The following ADNP2 variants were observed in gnomAD, a reference collection of about 807,000 sequenced individuals.
ADNP2 encodes the protein activity-dependent neuroprotector homeobox protein 2.
ADNP2 carries 8 observed loss-of-function variants against 16.4 expected under a neutral mutation model. That is an observed-to-expected ratio of 0.49 (90% CI 0.29 to 0.88). The LOEUF is 0.88. Ranked by LOEUF, ADNP2 falls within the 40% of genes least tolerant of loss-of-function variation. The pLI, the probability that ADNP2 is intolerant of heterozygous loss-of-function variation, is 0.09. For synonymous variants in ADNP2, 637 were observed against 545.8 expected (o/e 1.17, Z -2.33); for missense variants, 1,397 against 1,395.1 (o/e 1.00, Z -0.02).
chr18:80,120,546 A>C (rs2052417898), intron 2 of ADNP2, among the ~76,000 whole-genome samples: 1 of 152,040 alleles, frequency 6.6e-6, no homozygotes, highest in African/African-American at 2.4e-5. Flanking sequence ...CATGTTGCTC[A>C]GGCTGGTCTT....
At chr18:80,122,480 T>G (rs1242908703) in intron 2 of ADNP2, among the ~76,000 whole-genome samples, 1 of 152,264 alleles carries the variant, frequency 6.6e-6, no homozygotes, top group Non-Finnish European at 1.5e-5. Flanking sequence ...GAACATACTC[T>G]GTTTCTTTAG....
rs145421964 is a variant in ADNP2 at position 80,137,321 on chromosome 18, G to T, written c.1908G>T (p.Pro636=). 6.2e-7 allele frequency: 1 copy of T among 1,613,906 alleles called. No individual in the cohort carries two copies. The highest frequency in any genetic ancestry group is 8.5e-7 in the Non-Finnish European group (1 of 1,179,908). Residue 636 remains proline, a synonymous_variant, in exon 4 of 4, where the codon CCG becomes CCT. Transcript: ENST00000262198. This position sits in a 1 kb window ranked among gnomAD's most constrained non-coding sequence, Gnocchi z 4.2. The part of the protein sequence containing the change: ...VPPGGLATVA[P]PQMPIQLLPS... Reference sequence around the variant, plus strand: ...CTGGAGGCCTTGCGACTGTCGCTCCGCCCCAGATGCCCATCCAGCTCCTGC... The same window carrying T: ...CTGGAGGCCTTGCGACTGTCGCTCCTCCCCAGATGCCCATCCAGCTCCTGC...
Position 80,138,011 on chromosome 18 carries a change from C to A in ADNP2, c.2598C>A (p.Thr866=). Residue 866 remains threonine, a synonymous_variant, in exon 4 of 4, where the codon ACC becomes ACA. Transcript: ENST00000262198. The part of the protein sequence containing the change: ...YVKVRPQAEG[T]PGSTGKRVST... ...AGGTGAGGCCTCAGGCTGAGGGCAC[C>A]CCCGGGAGCACCGGCAAGCGAGTGT... 6.2e-7 allele frequency: 1 copy of A among 1,613,534 alleles called. No individual in the cohort carries two copies. The highest frequency in any genetic ancestry group is 8.5e-7 in the Non-Finnish European group (1 of 1,180,000).
chr18:80,109,849 G>A (rs1308874606), intron 1 of ADNP2: 1 of 152,770 alleles, frequency 6.5e-6, no homozygotes, highest in Admixed American at 6.5e-5. Context: ...AAGGGAGCGA[G>A]GAGTAGAGGG....
At chr18:80,131,233 T>G (rs2052494081) in intron 2 of ADNP2, among the ~76,000 whole-genome samples, 2 of 152,144 alleles carry the variant, frequency 1.3e-5, no homozygotes, top group South Asian at 4.1e-4. Flanking sequence ...TCCTCTTCTC[T>G]CCATGTTCAC....
intron 2 of ADNP2, among the ~76,000 whole-genome samples, chr18:80,125,560 G>A (rs1412654021): frequency 2.6e-5 from 4 of 151,996 alleles, no homozygotes; most frequent in South Asian, 2.1e-4. Context: ...GGAGAATGGC[G>A]TGAACCTGGG....
rs1171628531 is a variant in ADNP2 at position 80,140,058 on chromosome 18, T to A, written c.*1249T>A. ...ACCAGCCAGTTTAGATGGTAAGTCA[T>A]ATTTCTGGTGGTACACAGCAGAGGA... On this transcript the variant is annotated 3_prime_UTR_variant, in exon 4 of 4. Coordinates refer to ENST00000262198, the MANE Select transcript of ADNP2 (RefSeq NM_014913.4). The A allele has an allele frequency of 6.6e-6, 1 of 152,332 alleles. No individual in the cohort carries two copies. 9.4% of individuals were successfully genotyped at this position (152,332 alleles called of 1,614,324 possible). A position where few individuals can be genotyped will look rare whatever the true frequency, so the allele number is the denominator to read the frequency against.
intron 2 of ADNP2, among the ~76,000 whole-genome samples, chr18:80,122,309 C>T (rs1389096279): frequency 6.6e-6 from 1 of 152,136 alleles, no homozygotes; most frequent in Non-Finnish European, 1.5e-5. Flanking sequence ...TTCTTTATTT[C>T]AGTATTGTTC....
intron 2 of ADNP2, among the ~76,000 whole-genome samples, chr18:80,129,269 A>G (rs1449946380): frequency 6.6e-6 from 1 of 151,596 alleles, no homozygotes; most frequent in African/African-American, 2.4e-5. Flanking sequence ...ACGCCCAGCT[A>G]GTTTTTGTAT....
rs150276310 is a variant in ADNP2, at chr18:80,112,378, C to G, written c.-14+2906C>G. On this transcript the variant is annotated intron_variant, in intron 1 of 3. Coordinates refer to ENST00000262198, the MANE Select transcript of ADNP2 (RefSeq NM_014913.4). ...AGTTATGAAACCTGTAATTTACTTG[C>G]ATTTTATTTTTTATCCTTTGTTGGT... Among the ~76,000 whole-genome samples the G allele has an allele frequency of 5.1e-4, 77 of 151,648 alleles. No homozygotes were observed. The East Asian group carries it at 0.015, about 29-fold the overall frequency.
At chr18:80,131,826 A>G (rs1241896735) in intron 2 of ADNP2, among the ~76,000 whole-genome samples, 1 of 150,668 alleles carries the variant, frequency 6.6e-6, no homozygotes, top group Non-Finnish European at 1.5e-5. Context: ...AGGGCAGGGA[A>G]CATCACACAC....
chr18:80,138,866 GA>G lies in ADNP2; in HGVS notation c.*60del, dbSNP rs1208882560. The G allele has an allele frequency of 5.1e-6, 7 of 1,385,260 alleles. No individual in the cohort carries two copies. The highest frequency in any genetic ancestry group is 3.0e-5 in the Admixed American group (1 of 33,438). The allele number at this position is 1,385,260 out of a possible 1,614,324, so 85.8% of individuals were successfully genotyped here. A position where few individuals can be genotyped will look rare whatever the true frequency, so the allele number is the denominator to read the frequency against. ...AGTAGTAGGTAGATTTTTTTCAGTT[GA>G]AATTTCACAGTGTTGTCCTCACTGT... On this transcript the variant is annotated 3_prime_UTR_variant, in exon 4 of 4. Coordinates refer to ENST00000262198, the MANE Select transcript of ADNP2 (RefSeq NM_014913.4).
chr18:80,125,649 AAAAT>A (rs1267127049), intron 2 of ADNP2, among the ~76,000 whole-genome samples: 15 of 151,938 alleles, frequency 9.9e-5, no homozygotes, highest in African/African-American at 3.4e-4. Context: ...TCTCAAAAAA[AAAAT>A]AAAAAAAAAT....
At chr18:80,118,852 T>C (rs765770712) in intron 2 of ADNP2, among the ~76,000 whole-genome samples, 1 of 152,228 alleles carries the variant, frequency 6.6e-6, no homozygotes, top group East Asian at 1.9e-4. Context: ...GAGATTTGAA[T>C]GGCTTAAACT....
At chr18:80,119,508 G>A (rs1443573082) in intron 2 of ADNP2, among the ~76,000 whole-genome samples, 1 of 151,962 alleles carries the variant, frequency 6.6e-6, no homozygotes, top group Non-Finnish European at 1.5e-5. Flanking sequence ...CCTCACTGCT[G>A]CCTTGCTCTG....
chr18:80,136,622 C>A lies in ADNP2; in HGVS notation c.1209C>A (p.Leu403=), dbSNP rs373392965. Residue 403 remains leucine (L), a synonymous_variant, in exon 4 of 4, where the codon CTC becomes CTA. Transcript: ENST00000262198. ...CTGTTCGCCCTGGGGTTTTACCCCT[C>A]ACCCAGCCTGTGGGACCCATAAACA... ...NQTVRPGVLP[L]TQPVGPINRP... is the part of the protein sequence containing the mutation. 2 of 1,614,220 alleles carry A rather than the reference C, an allele frequency of 1.2e-6. No homozygotes were observed.
intron 2 of ADNP2, among the ~76,000 whole-genome samples, chr18:80,131,566 ATTCTT>A (rs2052496595): frequency 9.8e-6 from 1 of 101,936 alleles, no homozygotes; most frequent in African/African-American, 3.6e-5. Flanking sequence ...CAAGATGAAG[ATTCTT>A]TTTTTTTTTT....
rs2145220593 is a variant in ADNP2 at position 80,139,059 on chromosome 18, A to G, written c.*250A>G. On this transcript the variant is annotated 3_prime_UTR_variant, in exon 4 of 4. Transcript: ENST00000262198. ...TCAGGTTTTTTTCTCTGTCATGTAA[A>G]TGAAATCTTTTGATATTTCATGCAC... The G allele has an allele frequency of 5.6e-6, 2 of 358,150 alleles. No individual in the cohort carries two copies. Among genetic ancestry groups the G allele is most frequent in the African/African-American group, 2.1e-5 (1 of 47,962 alleles). The allele number at this position is 358,150 out of a possible 1,614,324, so 22.2% of individuals were successfully genotyped here. A position where few individuals can be genotyped will look rare whatever the true frequency, so the allele number is the denominator to read the frequency against.
At chr18:80,118,810 C>A (rs2145194653) in intron 2 of ADNP2, among the ~76,000 whole-genome samples, 1 of 152,138 alleles carries the variant, frequency 6.6e-6, no homozygotes, top group East Asian at 1.9e-4. Flanking sequence ...TTTACTGATG[C>A]AGAGATACGG....
Sources: gnomAD v4.1 joint callset for allele counts (sites outside exome capture counted in the v4.1 genomes callset) on GRCh38, gnomAD v4.1.1 for gene constraint, Gnocchi (gnomAD v3.1) non-coding constraint, MANE v1.5 for transcripts, NCBI Gene and HGNC (gene_info 2026-07-23, HGNC 2026-07-21) for gene names.